The following FNDC3A variants were observed in gnomAD, a reference collection of about 807,000 sequenced individuals.
FNDC3A encodes the protein fibronectin type-III domain-containing protein 3A.
A neutral mutation model predicts 148.9 loss-of-function variants in FNDC3A; 32 were observed. The observed-to-expected ratio is 0.21, with a 90% CI of 0.16 to 0.29. FNDC3A has a LOEUF of 0.29. Among genes scored for constraint, FNDC3A ranks in the 10% least tolerant of loss-of-function variants. The pLI is 1.00. For missense variants in FNDC3A, 1,191 were observed against 1,452.8 expected, an observed-to-expected ratio of 0.82 and a Z score of 2.93; for synonymous variants, 472 against 473.6, an observed-to-expected ratio of 1.00 and a Z score of 0.04.
chr13:49,128,173 C>A (rs1213626228), intron 4 of FNDC3A, among the ~76,000 whole-genome samples: 3 of 152,208 alleles, frequency 2.0e-5, no homozygotes, highest in Admixed American at 6.5e-5. Flanking sequence ...AGCCACTGCA[C>A]CTGGCTTCTA....
chr13:49,187,651 C>T (rs7996151), intron 16 of FNDC3A: 494,780 of 1,576,384 alleles, frequency 0.31, 80,913 homozygotes, highest in South Asian at 0.48. Context: ...TGTGAACCTC[C>T]GGATGCTCTG....
intron 8 of FNDC3A, among the ~76,000 whole-genome samples, chr13:49,160,287 A>T (rs1244989493): frequency 6.6e-6 from 1 of 152,120 alleles, no homozygotes; most frequent in Non-Finnish European, 1.5e-5. Context: ...TTATTGCCTC[A>T]ACTTCAGAGC....
intron 2 of FNDC3A, among the ~76,000 whole-genome samples, chr13:49,032,685 G>A (rs927413708): frequency 8.6e-5 from 13 of 152,040 alleles, no homozygotes; most frequent in Middle Eastern, 3.4e-3. Context: ...GCAGTGAGCC[G>A]AGACCGCGCC....
chr13:49,161,676 A>G (rs1305991631), intron 8 of FNDC3A, among the ~76,000 whole-genome samples: 1 of 152,160 alleles, frequency 6.6e-6, no homozygotes, highest in African/African-American at 2.4e-5. Context: ...TTTGCCCATT[A>G]GTTGATGCAG....
At chr13:49,049,744 G>T (rs1875694453) in intron 2 of FNDC3A, among the ~76,000 whole-genome samples, 2 of 151,502 alleles carry the variant, frequency 1.3e-5, no homozygotes, top group South Asian at 4.2e-4. Flanking sequence ...TTTTGAGATG[G>T]AGTCTTGCTC....
intron 2 of FNDC3A, among the ~76,000 whole-genome samples, chr13:49,035,769 A>G (rs1408621646): frequency 2.0e-5 from 3 of 152,102 alleles, no homozygotes; most frequent in East Asian, 3.8e-4. Context: ...TTGTTTGCCA[A>G]ATAAATGAAT....
At chr13:49,008,623 A>G (rs1472298690) in intron 2 of FNDC3A, among the ~76,000 whole-genome samples, 2 of 152,118 alleles carry the variant, frequency 1.3e-5, no homozygotes, top group Non-Finnish European at 2.9e-5. Flanking sequence ...CTCCTCATTA[A>G]TATTTTCTGG....
chr13:49,166,903 A>G (rs1884494359), intron 8 of FNDC3A, among the ~76,000 whole-genome samples: 1 of 152,168 alleles, frequency 6.6e-6, no homozygotes, highest in African/African-American at 2.4e-5. Context: ...TACATGTTTT[A>G]TTTATTAACT....
intron 8 of FNDC3A, among the ~76,000 whole-genome samples, chr13:49,147,415 T>C (rs1278020493): frequency 6.6e-6 from 1 of 152,050 alleles, no homozygotes; most frequent in Middle Eastern, 3.2e-3. Context: ...TTACTGGCCT[T>C]GATTTGAGAA....
intron 2 of FNDC3A, among the ~76,000 whole-genome samples, chr13:49,055,243 A>G (rs988829580): frequency 2.6e-5 from 4 of 152,124 alleles, no homozygotes; most frequent in Admixed American, 2.0e-4. Flanking sequence ...AGCTGGGAAT[A>G]CAAGCATGCA....
At chr13:49,003,673 G>A (rs1390729233) in intron 1 of FNDC3A, among the ~76,000 whole-genome samples, 2 of 151,524 alleles carry the variant, frequency 1.3e-5, no homozygotes, top group African/African-American at 2.4e-5. Context: ...CCTTTTCTTT[G>A]GTTTAACCTT....
At chr13:48,995,568 A>G (rs1209928109) in intron 1 of FNDC3A, among the ~76,000 whole-genome samples, 4 of 152,144 alleles carry the variant, frequency 2.6e-5, no homozygotes, top group Admixed American at 6.5e-5. Flanking sequence ...TTCTCTACCA[A>G]TATACATTTC....
chr13:48,990,632 C>T (rs1951897701), intron 1 of FNDC3A, among the ~76,000 whole-genome samples: 1 of 145,734 alleles, frequency 6.9e-6, no homozygotes, highest in African/African-American at 2.5e-5. Context: ...CATGGTGGTG[C>T]ATGCTTGTAG....
chr13:49,069,019 T>G (rs1555286760), intron 2 of FNDC3A, among the ~76,000 whole-genome samples: 1 of 152,116 alleles, frequency 6.6e-6, no homozygotes, highest in Non-Finnish European at 1.5e-5. Flanking sequence ...CAGTGTTTAC[T>G]TATATAACAA....
intron 14 of FNDC3A, among the ~76,000 whole-genome samples, chr13:49,180,921 A>G (rs557946803): frequency 6.6e-6 from 1 of 151,904 alleles, no homozygotes; most frequent in African/African-American, 2.4e-5. Flanking sequence ...TGTTTTTTCT[A>G]TTTAAAAGCC....
At chr13:49,130,394 C>T (rs531899603) in intron 4 of FNDC3A, among the ~76,000 whole-genome samples, 4 of 152,202 alleles carry the variant, frequency 2.6e-5, no homozygotes, top group Admixed American at 2.6e-4. Context: ...TCTAACATGT[C>T]ATTGATTATC....
At chr13:49,166,109 G>C (rs1884446168) in intron 8 of FNDC3A, among the ~76,000 whole-genome samples, 1 of 152,212 alleles carries the variant, frequency 6.6e-6, no homozygotes, top group African/African-American at 2.4e-5. Context: ...AGAATCCTCA[G>C]GTGGAGGCGG....
At chr13:49,160,307 G>C in intron 8 of FNDC3A, among the ~76,000 whole-genome samples, 1 of 152,140 alleles carries the variant, frequency 6.6e-6, no homozygotes, top group Non-Finnish European at 1.5e-5. Flanking sequence ...CCTGTTATTG[G>C]TCTATTCAGG....
At chr13:49,159,151 G>A (rs1194254829) in intron 8 of FNDC3A, among the ~76,000 whole-genome samples, 1 of 152,132 alleles carries the variant, frequency 6.6e-6, no homozygotes, top group East Asian at 1.9e-4. Context: ...TTCCAATTCT[G>A]TGAAGAAAGT....
Sources: gnomAD v4.1 joint callset for allele counts (sites outside exome capture counted in the v4.1 genomes callset) on GRCh38, gnomAD v4.1.1 for gene constraint, MANE v1.5 for transcripts, NCBI Gene and HGNC (gene_info 2026-07-23, HGNC 2026-07-21) for gene names.